The following CABYR variants were observed in gnomAD, a reference collection of about 807,000 sequenced individuals.
CABYR encodes the protein calcium binding tyrosine phosphorylation regulated.
CABYR carries 31 observed loss-of-function variants against 36.1 expected under a neutral mutation model. That is an observed-to-expected ratio of 0.86 (90% CI 0.64 to 1.16). The LOEUF is 1.16. Among genes scored for constraint, CABYR ranks in the 50% most tolerant of loss-of-function variants. The pLI is 0.00. For missense variants in CABYR, 429 were observed against 455.8 expected (o/e 0.94, Z 0.53); for synonymous variants, 146 against 160.7 (o/e 0.91, Z 0.69).
intron 3 of CABYR, among the ~76,000 whole-genome samples, chr18:24,151,627 A>G (rs998234358): frequency 1.3e-5 from 2 of 151,130 alleles, no homozygotes; most frequent in Non-Finnish European, 2.9e-5. Flanking sequence ...TAGTAAGTAT[A>G]TATTTGCCAG....
intron 1 of CABYR, 137 bp from the exon 2 acceptor site, chr18:24,142,954 A>T (rs2085361459): frequency 4.0e-6 from 2 of 505,166 alleles, no homozygotes; most frequent in Non-Finnish European, 6.6e-6. Flanking sequence ...AATCGCTTGA[A>T]CCTGGGAGGC....
At chr18:24,149,929 GC>G (rs1233297821) in intron 3 of CABYR, among the ~76,000 whole-genome samples, 5 of 152,256 alleles carry the variant, frequency 3.3e-5, no homozygotes, top group Non-Finnish European at 7.3e-5. Flanking sequence ...TCCCGCTGGC[GC>G]CTCTCCCTCC....
intron 3 of CABYR, among the ~76,000 whole-genome samples, chr18:24,154,075 C>T (rs1465911473): frequency 3.6e-5 from 4 of 110,282 alleles, no homozygotes; most frequent in East Asian, 3.0e-4. Context: ...TGCACTCTAG[C>T]CTGGGCAACA....
intron 3 of CABYR, among the ~76,000 whole-genome samples, chr18:24,154,378 G>A (rs1348772860): frequency 6.6e-6 from 1 of 152,142 alleles, no homozygotes; most frequent in Non-Finnish European, 1.5e-5. Context: ...TCCTGAAGAG[G>A]TGAATGGTTA....
intron 3 of CABYR, among the ~76,000 whole-genome samples, chr18:24,151,154 C>A (rs530724568): frequency 1.2e-3 from 1 of 826 alleles, no homozygotes; most frequent in Non-Finnish European, 4.3e-3. Flanking sequence ...TACCCTGAAT[C>A]TCCATGAGTT....
chr18:24,158,614 G>A (rs1375454494), intron 4 of CABYR, among the ~76,000 whole-genome samples: 3 of 152,236 alleles, frequency 2.0e-5, no homozygotes, highest in Admixed American at 1.3e-4. Flanking sequence ...CACTGCGCCC[G>A]GCCCGTAGTG....
rs753346977 is a variant in CABYR, at chr18:24,159,797, A to G, written c.867A>G (p.Arg289=). The G allele has an allele frequency of 6.2e-7, 1 of 1,614,102 alleles. No homozygotes were observed. The highest frequency in any genetic ancestry group is 2.2e-5 in the East Asian group (1 of 44,878). ...HAVVSQSDVL[R]YVAMQVPIAV... is the part of the protein sequence containing the mutation. ...TCGTTTCACAGTCAGATGTCTTGAG[A>G]TATGTTGCAATGCAAGTGCCCATTG... The change falls in exon 5 of 6, where the codon AGA becomes AGG. Residue 289 remains arginine (R), a synonymous_variant. Transcript: ENST00000399496.
At chr18:24,154,695 A>G (rs924738973) in intron 3 of CABYR, among the ~76,000 whole-genome samples, 2 of 152,216 alleles carry the variant, frequency 1.3e-5, no homozygotes, top group Non-Finnish European at 2.9e-5. Flanking sequence ...CCAAAGGAAA[A>G]TTCTCAGCAA....
chr18:24,153,420 T>G (rs562094764), intron 3 of CABYR, among the ~76,000 whole-genome samples: 58 of 152,310 alleles, frequency 3.8e-4, no homozygotes, highest in African/African-American at 1.4e-3. Flanking sequence ...GAAAAGTGTT[T>G]GCTAATGAGT....
intron 3 of CABYR, among the ~76,000 whole-genome samples, chr18:24,149,461 A>G (rs1397086808): frequency 6.6e-6 from 1 of 152,228 alleles, no homozygotes; most frequent in African/African-American, 2.4e-5. Flanking sequence ...CCACGTCCCC[A>G]CCAGACTCAG....
chr18:24,143,323 T>C (rs1182736132), intron 2 of CABYR, 37 bp from the exon 3 acceptor site: 1 of 1,596,036 alleles, frequency 6.3e-7, no homozygotes, highest in Admixed American at 1.7e-5. Context: ...AGGAATTTCA[T>C]GTATCTGTAT....
rs533514407 is a variant in CABYR, at chr18:24,148,199, T to C, written c.199+4786T>C. 3.3e-5 allele frequency among the ~76,000 whole-genome samples: 5 copies of C among 152,304 alleles called. No individual in the cohort carries two copies. The East Asian group carries it at 7.7e-4, about 23-fold the overall frequency. On this transcript the variant is annotated intron_variant, in intron 3 of 5. Transcript: ENST00000399496. ...AGGGAGATCAGAATTGTCCCATGCA[T>C]TGCAGGACATCTAGCATCCCTGATC... is the stretch of plus-strand genomic sequence containing the variant.
At chr18:24,144,232 T>G (rs1154257) in intron 3 of CABYR, among the ~76,000 whole-genome samples, 1 of 152,168 alleles carries the variant, frequency 6.6e-6, no homozygotes, top group Non-Finnish European at 1.5e-5. Flanking sequence ...TTGATATTTT[T>G]GGATTATCCC....
chr18:24,143,326 A>T (rs200524238), intron 2 of CABYR, 34 bp from the exon 3 acceptor site: 306 of 1,595,038 alleles, frequency 1.9e-4, no homozygotes, highest in Non-Finnish European at 5.0e-5. Context: ...AATTTCATGT[A>T]TCTGTATTTG....
chr18:24,147,775 A>G (rs1165475091), intron 3 of CABYR, among the ~76,000 whole-genome samples: 1 of 152,216 alleles, frequency 6.6e-6, no homozygotes, highest in Non-Finnish European at 1.5e-5. Context: ...TCTAAAGAGC[A>G]GCATTTAACA....
chr18:24,154,872 A>C (rs752798), intron 3 of CABYR, among the ~76,000 whole-genome samples: 104,546 of 152,066 alleles, frequency 0.69, 38,806 homozygotes, highest in Non-Finnish European at 0.83. Context: ...GATTCACTTA[A>C]GGCTACACTT....
chr18:24,151,157 C>T (rs1879845624), intron 3 of CABYR, among the ~76,000 whole-genome samples: 2 of 152,168 alleles, frequency 1.3e-5, no homozygotes, highest in African/African-American at 4.8e-5. Flanking sequence ...CCTGAATCTC[C>T]ATGAGTTGTG....
At chr18:24,146,912 T>TAA (rs1475437615) in intron 3 of CABYR, among the ~76,000 whole-genome samples, 1 of 152,080 alleles carries the variant, frequency 6.6e-6, no homozygotes, top group East Asian at 1.9e-4. Flanking sequence ...ATATATCCTT[T>TAA]AAAAAACGAA....
chr18:24,140,698 C>T (rs1440597920), intron 1 of CABYR, among the ~76,000 whole-genome samples: 1 of 151,916 alleles, frequency 6.6e-6, no homozygotes, highest in Non-Finnish European at 1.5e-5. Flanking sequence ...CCACCCAGGC[C>T]CCATTACCTT....
Sources: gnomAD v4.1 joint callset for allele counts (sites outside exome capture counted in the v4.1 genomes callset) on GRCh38, gnomAD v4.1.1 for gene constraint, MANE v1.5 for transcripts, NCBI Gene and HGNC (gene_info 2026-07-23, HGNC 2026-07-21) for gene names.